The following SGCD variants were observed in gnomAD, a reference collection of about 807,000 sequenced individuals.
SGCD encodes sarcoglycan delta.
SGCD carries 18 observed loss-of-function variants against 36.6 expected under a neutral mutation model. That is an observed-to-expected ratio of 0.49 (90% CI 0.34 to 0.73). SGCD has a LOEUF of 0.73. SGCD is among the 30% of genes least tolerant of loss of function. The probability of loss-of-function intolerance (pLI) is 0.01; values close to 1 mark genes in which losing one functional copy is unlikely to be tolerated. For missense variants in SGCD, 387 were observed against 346.7 expected (o/e 1.12, Z -0.92); for synonymous variants, 133 against 130.6 (o/e 1.02, Z -0.12).
intron 7 of SGCD, among the ~76,000 whole-genome samples, chr5:156,679,228 C>G (rs543138026): frequency 1.3e-5 from 2 of 152,300 alleles, no homozygotes; most frequent in East Asian, 1.9e-4. Context: ...ATGATCACCT[C>G]TGACTTTGAA....
chr5:155,895,209 G>T (rs932782812), intron 1 of SGCD, among the ~76,000 whole-genome samples: 1 of 152,172 alleles, frequency 6.6e-6, no homozygotes, highest in South Asian at 2.1e-4. Flanking sequence ...ACATGAAATC[G>T]TACTTTCCAC....
At chr5:156,369,912 C>T (rs1192870706) in intron 3 of SGCD, among the ~76,000 whole-genome samples, 1 of 152,206 alleles carries the variant, frequency 6.6e-6, no homozygotes, top group African/African-American at 2.4e-5. Context: ...TTTTCAGGTG[C>T]TTTCTCTTCA....
chr5:156,763,596 A>G lies in SGCD; in HGVS notation c.*4206A>G, dbSNP rs1025708539. 4 of 152,134 alleles carry G rather than the reference A, an allele frequency of 2.6e-5. No homozygotes were observed. The highest frequency in any genetic ancestry group is 2.4e-5 in the African/African-American group (1 of 41,436). The allele number at this position is 152,134 out of a possible 1,614,324, so 9.4% of individuals were successfully genotyped here. On this transcript the variant is annotated 3_prime_UTR_variant, in exon 9 of 9. Coordinates refer to ENST00000337851, the MANE Select transcript of SGCD (RefSeq NM_000337.6). ...AAACTATAACAACAACAACAAAAAC[A>G]TATTTTGAAAAGACATATTCTGACA...
rs72797609 is a variant in SGCD, at chr5:155,882,746, T to G, written c.-282+12322T>G. Among the ~76,000 whole-genome samples the G allele has an allele frequency of 1.9e-3, 283 of 152,310 alleles. 1 individual carries two copies. The highest frequency in any genetic ancestry group is 0.014 in the South Asian group (66 of 4,816). On this transcript the variant is annotated intron_variant, in intron 1 of 9. Coordinates refer to the SGCD transcript ENST00000517913. The stretch of plus-strand genomic sequence containing the variant: ...ATGCTATCATTTAAGCTTTCTTGTT[T>G]CATTTCTAGATGAAGGGCAGTAGGA...
intron 3 of SGCD, among the ~76,000 whole-genome samples, chr5:156,306,812 A>G (rs1368879773): frequency 1.3e-5 from 2 of 152,104 alleles, no homozygotes; most frequent in East Asian, 1.9e-4. Context: ...AGAGGGTCCT[A>G]TTTGGCCATC....
intron 3 of SGCD, among the ~76,000 whole-genome samples, chr5:156,492,066 A>C (rs1223769908): frequency 6.6e-6 from 1 of 152,170 alleles, no homozygotes; most frequent in Non-Finnish European, 1.5e-5. Flanking sequence ...ATGTCCTCTA[A>C]AAAAGAGAGA....
the SGCD span, among the ~76,000 whole-genome samples, chr5:155,834,948 G>T: frequency 6.9e-6 from 1 of 145,976 alleles, no homozygotes; most frequent in Non-Finnish European, 1.5e-5. Flanking sequence ...CAATTCTCCT[G>T]CCTCGGCCTC....
intron 1 of SGCD, among the ~76,000 whole-genome samples, chr5:155,935,769 G>C (rs1051370982): frequency 1.3e-5 from 2 of 152,218 alleles, no homozygotes; most frequent in Non-Finnish European, 2.9e-5. Flanking sequence ...TTTTGCATGA[G>C]TTTTGCTCGG....
At chr5:156,028,888 A>C (rs537472447) in intron 1 of SGCD, among the ~76,000 whole-genome samples, 39 of 152,308 alleles carry the variant, frequency 2.6e-4, no homozygotes, top group Middle Eastern at 3.4e-3. Flanking sequence ...AATATTACTA[A>C]TTAAAAGACA....
chr5:156,208,614 TG>T (rs1245109128), intron 3 of SGCD, among the ~76,000 whole-genome samples: 1 of 152,240 alleles, frequency 6.6e-6, no homozygotes, highest in Non-Finnish European at 1.5e-5. Flanking sequence ...TCTGACTTTC[TG>T]TACTTAATAA....
At chr5:156,239,591 A>G (rs1279233379) in intron 3 of SGCD, among the ~76,000 whole-genome samples, 5 of 152,166 alleles carry the variant, frequency 3.3e-5, no homozygotes, top group Non-Finnish European at 5.9e-5. Context: ...ACAGAAAAAA[A>G]TATTGTTTTC....
chr5:156,651,763 T>G (rs537955142), intron 7 of SGCD, among the ~76,000 whole-genome samples: 1 of 152,204 alleles, frequency 6.6e-6, no homozygotes, highest in South Asian at 2.1e-4. Context: ...TTGCTTAGGA[T>G]TGCTTTGGGC....
the SGCD span, among the ~76,000 whole-genome samples, chr5:155,735,207 C>T: frequency 6.6e-6 from 1 of 152,214 alleles, no homozygotes; most frequent in Non-Finnish European, 1.5e-5. Flanking sequence ...CCTAGAGGCT[C>T]CAGTTCTTCA....
rs1158844774 is a variant in SGCD, at chr5:156,448,731, C to CTTTTTTTTTTTTTTTTTTT, written c.193-59860_193-59842dup. 3.9e-5 allele frequency among the ~76,000 whole-genome samples: 3 copies of CTTTTTTTTTTTTTTTTTTT among 76,016 alleles called. 1 individual carries two copies. The highest frequency in any genetic ancestry group is 7.1e-5 in the Non-Finnish European group (3 of 42,276). The allele number at this position is 76,016 out of a possible 152,430, so 49.9% of individuals were successfully genotyped here. A position where few individuals can be genotyped will look rare whatever the true frequency, so the allele number is the denominator to read the frequency against. On this transcript the variant is annotated intron_variant, in intron 3 of 8. Transcript: ENST00000337851. ...GTGGGAGAAGTTTCTTTTTCTTTTT[C>CTTTTTTTTTTTTTTTTTTT]TTTTTTTTTTTTTTTTTTTTTTTTT...
intron 3 of SGCD, among the ~76,000 whole-genome samples, chr5:156,140,041 T>G (rs1410358919): frequency 6.6e-6 from 1 of 152,222 alleles, no homozygotes; most frequent in Non-Finnish European, 1.5e-5. Flanking sequence ...ACCCCTCACC[T>G]GACAACAAAC....
At chr5:156,428,811 A>C (rs889918405) in intron 3 of SGCD, among the ~76,000 whole-genome samples, 1 of 152,116 alleles carries the variant, frequency 6.6e-6, no homozygotes, top group African/African-American at 2.4e-5. Flanking sequence ...TCAAGAGCAG[A>C]TTATTTAATT....
chr5:156,689,339 G>A (rs1170426676), intron 7 of SGCD, among the ~76,000 whole-genome samples: 1 of 152,070 alleles, frequency 6.6e-6, no homozygotes, highest in Non-Finnish European at 1.5e-5. Context: ...ACACATTTTT[G>A]GATAGCCTTC....
In SGCD at chr5:155,952,657, C is replaced by T. The variant is rs894463601; in HGVS notation, c.-282+82233C>T. On this transcript the variant is annotated intron_variant, in intron 1 of 9. Coordinates refer to the SGCD transcript ENST00000517913. ...CTGGCGCTGTAATGAAATATCATGT[C>T]GAGTTCCCATAGGGCTGATAAGCCA... is the stretch of plus-strand genomic sequence containing the variant. 4.6e-5 allele frequency among the ~76,000 whole-genome samples: 7 copies of T among 152,250 alleles called. 1 individual carries two copies. The highest frequency in any genetic ancestry group is 2.1e-4 in the South Asian group (1 of 4,828).
intron 1 of SGCD, among the ~76,000 whole-genome samples, chr5:155,971,578 T>G (rs1758007077): frequency 6.6e-6 from 1 of 152,114 alleles, no homozygotes; most frequent in South Asian, 2.1e-4. Flanking sequence ...AATTGATGTA[T>G]GATTTGTTGC....
Sources: gnomAD v4.1 joint callset for allele counts (sites outside exome capture counted in the v4.1 genomes callset) on GRCh38, gnomAD v4.1.1 for gene constraint, MANE v1.5 for transcripts, NCBI Gene and HGNC (gene_info 2026-07-23, HGNC 2026-07-21) for gene names.